The following NIPAL2 variants were observed in gnomAD, a reference collection of about 807,000 sequenced individuals.
NIPAL2 encodes the protein NIPA-like protein 2.
A neutral mutation model predicts 48.9 loss-of-function variants in NIPAL2; 43 were observed. The observed-to-expected ratio is 0.88, with a 90% CI of 0.69 to 1.13. NIPAL2 has a LOEUF of 1.13. NIPAL2 is among the 50% of genes most tolerant of loss of function. The pLI is 0.00. For missense variants in NIPAL2, 446 were observed against 461.4 expected (o/e 0.97, Z 0.31); for synonymous variants, 167 against 174.6 (o/e 0.96, Z 0.34).
At chr8:98,210,831 T>C (rs892010996) in intron 6 of NIPAL2, among the ~76,000 whole-genome samples, 2 of 152,334 alleles carry the variant, frequency 1.3e-5, no homozygotes, top group African/African-American at 4.8e-5. Flanking sequence ...TCTGCCTTAA[T>C]TTTCATTTAG....
chr8:98,237,608 G>A (rs1044897914), intron 3 of NIPAL2, among the ~76,000 whole-genome samples: 1 of 152,124 alleles, frequency 6.6e-6, no homozygotes, highest in Non-Finnish European at 1.5e-5. Flanking sequence ...AACACTCAAA[G>A]AGCTATGATT....
intron 3 of NIPAL2, among the ~76,000 whole-genome samples, chr8:98,247,547 T>C (rs193300869): frequency 1.9e-4 from 29 of 152,324 alleles, no homozygotes; most frequent in Non-Finnish European, 3.4e-4. Flanking sequence ...CCTTGTTGAT[T>C]TGTGTATTTC....
chr8:98,266,026 G>C (rs1387923656), intron 1 of NIPAL2, among the ~76,000 whole-genome samples: 9 of 149,828 alleles, frequency 6.0e-5, no homozygotes, highest in Admixed American at 6.0e-4. Context: ...GTAAACTATC[G>C]CAAGAACAAA....
At chr8:98,226,057 A>T (rs1280548937) in intron 4 of NIPAL2, among the ~76,000 whole-genome samples, 1 of 151,874 alleles carries the variant, frequency 6.6e-6, no homozygotes, top group Non-Finnish European at 1.5e-5. Context: ...TTTCTGCTTG[A>T]TTCTTTTGAA....
intron 4 of NIPAL2, among the ~76,000 whole-genome samples, chr8:98,234,468 G>A (rs1431431210): frequency 6.6e-6 from 1 of 152,094 alleles, no homozygotes; most frequent in Admixed American, 6.5e-5. Context: ...AGGATTTAAA[G>A]TTCCCTTAAG....
At chr8:98,279,479 ATC>A (rs940080092) in intron 1 of NIPAL2, among the ~76,000 whole-genome samples, 2 of 152,158 alleles carry the variant, frequency 1.3e-5, no homozygotes, top group Admixed American at 1.3e-4. Flanking sequence ...AAGTTTAAAC[ATC>A]TCTCTCTTTC....
At chr8:98,227,978 C>T (rs1812261786) in intron 4 of NIPAL2, among the ~76,000 whole-genome samples, 1 of 152,224 alleles carries the variant, frequency 6.6e-6, no homozygotes, top group South Asian at 2.1e-4. Flanking sequence ...TCTAAATGCT[C>T]CCTCTGTGGC....
intron 1 of NIPAL2, among the ~76,000 whole-genome samples, chr8:98,289,509 T>C (rs1270219924): frequency 1.4e-5 from 2 of 148,066 alleles, no homozygotes; most frequent in Non-Finnish European, 3.0e-5. Flanking sequence ...TCTTCCTTCT[T>C]CTTGCTTTTT....
rs746363779 is a variant in NIPAL2 at position 98,254,049 on chromosome 8, G to C, written c.174C>G (p.Asn58Lys). ...TATTTAGAGAAATACTGATCACCAA[G>C]TTTCCTAAAATAGCCAGCAAAACTC... The part of the protein sequence containing the change: ...LFGVLLAILG[N>K]LVISISLNIQ... Residue 58 changes from asparagine (N) to lysine (K), a missense_variant, in exon 2 of 11, where the codon AAC becomes AAG. Coordinates refer to ENST00000430223, the MANE Select transcript of NIPAL2 (RefSeq NM_001321635.2). The C allele has an allele frequency of 1.2e-6, 2 of 1,610,868 alleles. No homozygotes were observed. The highest frequency in any genetic ancestry group is 4.5e-5 in the East Asian group (2 of 44,716).
chr8:98,284,204 T>C (rs1816019149), intron 1 of NIPAL2, among the ~76,000 whole-genome samples: 1 of 152,208 alleles, frequency 6.6e-6, no homozygotes, highest in Non-Finnish European at 1.5e-5. Flanking sequence ...TGCCCATTTC[T>C]CTACCATTGT....
intron 6 of NIPAL2, among the ~76,000 whole-genome samples, chr8:98,207,795 CT>C (rs1350369381): frequency 6.6e-6 from 1 of 152,148 alleles, no homozygotes; most frequent in Non-Finnish European, 1.5e-5. Flanking sequence ...TACTTAGGAG[CT>C]CATTTTCCAA....
intron 3 of NIPAL2, among the ~76,000 whole-genome samples, chr8:98,250,159 A>G (rs1813514215): frequency 6.6e-6 from 1 of 152,176 alleles, no homozygotes; most frequent in African/African-American, 2.4e-5. Flanking sequence ...TAGAAGAAAA[A>G]TCAGAAAAGA....
chr8:98,280,759 T>TAGAGAGAGAGAG (rs765271866), intron 1 of NIPAL2, among the ~76,000 whole-genome samples: 31 of 31,284 alleles, frequency 9.9e-4, no homozygotes, highest in Admixed American at 2.7e-3. Flanking sequence ...TATATATATA[T>TAGAGAGAGAGAG]ATAGAGAGAG....
rs1186624565 is a variant in NIPAL2 at position 98,191,990 on chromosome 8, T to C, written c.*988A>G. ...AGGTAATGACTTTGGGAAGAAATGA[T>C]GTGTAGTGAAACTATCACTAAGAAT... is the stretch of plus-strand genomic sequence containing the variant. On this transcript the variant is annotated 3_prime_UTR_variant, in exon 11 of 11. Coordinates refer to ENST00000430223, the MANE Select transcript of NIPAL2 (RefSeq NM_001321635.2). 6.6e-6 allele frequency: 1 copy of C among 152,260 alleles called. No homozygotes were observed. Among genetic ancestry groups the C allele is most frequent in the Non-Finnish European group, 1.5e-5 (1 of 68,044 alleles). The allele number at this position is 152,260 out of a possible 1,614,324, so 9.4% of individuals were successfully genotyped here.
chr8:98,211,092 C>T (rs1159563073), intron 6 of NIPAL2, among the ~76,000 whole-genome samples: 1 of 152,162 alleles, frequency 6.6e-6, no homozygotes. Context: ...ATCCTTACAG[C>T]TGTACTAGTG....
chr8:98,257,459 A>G (rs1379880979), intron 1 of NIPAL2, among the ~76,000 whole-genome samples: 1 of 149,714 alleles, frequency 6.7e-6, no homozygotes, highest in African/African-American at 2.5e-5. Flanking sequence ...GGGTTTCACC[A>G]TGTTGGCCAG....
chr8:98,215,805 T>C (rs1811549727), intron 5 of NIPAL2, among the ~76,000 whole-genome samples: 1 of 152,222 alleles, frequency 6.6e-6, no homozygotes, highest in Non-Finnish European at 1.5e-5. Context: ...CTGGGCCTTG[T>C]ACCTGTGAGG....
intron 3 of NIPAL2, among the ~76,000 whole-genome samples, chr8:98,243,403 G>A (rs1220905168): frequency 6.6e-6 from 1 of 152,196 alleles, no homozygotes; most frequent in African/African-American, 2.4e-5. Flanking sequence ...TCCAAACCAT[G>A]TCTAGATGTG....
chr8:98,204,826 A>G (rs1269197114), intron 7 of NIPAL2, among the ~76,000 whole-genome samples: 12 of 152,046 alleles, frequency 7.9e-5, no homozygotes, highest in Non-Finnish European at 5.9e-5. Flanking sequence ...TGTACCACAG[A>G]TATTAATTAC....
Sources: gnomAD v4.1 joint callset for allele counts (sites outside exome capture counted in the v4.1 genomes callset) on GRCh38, gnomAD v4.1.1 for gene constraint, MANE v1.5 for transcripts, NCBI Gene and HGNC (gene_info 2026-07-23, HGNC 2026-07-21) for gene names.